Variants in CUL4A observed in about 807,000 individuals in gnomAD.
CUL4A encodes the protein cullin-4A.
A neutral mutation model predicts 95.5 loss-of-function variants in CUL4A; 16 were observed. That is an observed-to-expected ratio of 0.17 (90% CI 0.11 to 0.25). The LOEUF is 0.25. Among genes scored for constraint, CUL4A ranks in the 10% least tolerant of loss-of-function variants. The pLI, the probability that CUL4A is intolerant of heterozygous loss-of-function variation, is 1.00. For missense variants in CUL4A, 610 were observed against 937.0 expected, an observed-to-expected ratio of 0.65 and a Z score of 4.56; for synonymous variants, 380 against 353.1, an observed-to-expected ratio of 1.08 and a Z score of -0.85.
intron 9 of CUL4A, 78 bp downstream of exon 9, chr13:113,236,968 A>T: frequency 1.0e-6 from 1 of 957,190 alleles, no homozygotes; most frequent in Middle Eastern, 2.2e-4. Flanking sequence ...GGGCATTACA[A>T]ATAGCAGTGT....
chr13:113,245,240 G>A lies in CUL4A; in HGVS notation c.1530+3G>A. 6.2e-7 allele frequency: 1 copy of A among 1,613,952 alleles called. No homozygotes were observed. Among genetic ancestry groups the A allele is most frequent in the Non-Finnish European group, 8.5e-7 (1 of 1,179,822 alleles). The stretch of plus-strand genomic sequence containing the variant: ...ACATCATGGTTCATTTCAAGCAGGT[G>A]AGTTGTGTTTCTTAGGTAAAGCGGC... On this transcript the variant is annotated splice_donor_region_variant and intron_variant, in intron 14 of 19. Transcript: ENST00000375440.
intron 15 of CUL4A, among the ~76,000 whole-genome samples, chr13:113,250,691 G>T (rs1019610941): frequency 6.6e-6 from 1 of 151,982 alleles, no homozygotes; most frequent in African/African-American, 2.4e-5. Context: ...CACAAACCAT[G>T]GTACTTCTCA....
At chr13:113,227,920 A>G in intron 3 of CUL4A, 56 bp from the exon 4 acceptor site, 1 of 1,220,406 alleles carries the variant, frequency 8.2e-7, no homozygotes, top group Non-Finnish European at 1.2e-6. Context: ...AAAAAAAAAA[A>G]AAGGTAATAA....
Position 113,260,602 on chromosome 13 carries a change from T to G in CUL4A, c.2032-5T>G. 1 of 1,589,452 alleles carries G rather than the reference T, an allele frequency of 6.3e-7. No individual in the cohort carries two copies. Among genetic ancestry groups the G allele is most frequent in the Non-Finnish European group, 8.5e-7 (1 of 1,174,254 alleles). On this transcript the variant is annotated splice_region_variant and splice_polypyrimidine_tract_variant and intron_variant, in intron 18 of 19. Transcript: ENST00000375440. ...CACTTAACTTTTTTTTTCTTTTTTA[T>G]ACAGGTTGAGGAACAGGTTAGCACC...
At chr13:113,248,623 A>G (rs2041915919) in intron 15 of CUL4A, among the ~76,000 whole-genome samples, 1 of 152,182 alleles carries the variant, frequency 6.6e-6, no homozygotes, top group Admixed American at 6.5e-5. Flanking sequence ...CTCAGTATCC[A>G]CGGGCTGTTG....
At chr13:113,228,173 C>T (rs867197733) in intron 4 of CUL4A, 128 bp downstream of exon 4, 48 of 712,480 alleles carry the variant, frequency 6.7e-5, no homozygotes, top group Middle Eastern at 2.7e-4. Context: ...TTGAACAGCA[C>T]GATGAGAAAA....
chr13:113,254,024 G>GT (rs971288861), intron 16 of CUL4A, among the ~76,000 whole-genome samples: 2 of 152,142 alleles, frequency 1.3e-5, no homozygotes, highest in African/African-American at 2.4e-5. Flanking sequence ...ATTATCCCCA[G>GT]TTTTTTACCT....
At chr13:113,243,289 G>A in intron 11 of CUL4A, 129 bp downstream of exon 11, 1 of 823,364 alleles carries the variant, frequency 1.2e-6, no homozygotes, top group Non-Finnish European at 1.8e-6. Context: ...GGGGTGTGTG[G>A]AAAGCGTTTT....
intron 18 of CUL4A, among the ~76,000 whole-genome samples, chr13:113,256,312 C>G (rs2042118798): frequency 6.6e-6 from 1 of 152,124 alleles, no homozygotes; most frequent in Non-Finnish European, 1.5e-5. Context: ...TGGCAGTGCC[C>G]TCGGCCACAG....
rs185477591 is a variant in CUL4A at position 113,246,870 on chromosome 13, A to T, written c.1638+807A>T. Among the ~76,000 whole-genome samples the T allele has an allele frequency of 3.5e-3, 534 of 152,340 alleles. 1 individual carries two copies. Among genetic ancestry groups the T allele is most frequent in the Non-Finnish European group, 4.7e-3 (321 of 68,038 alleles). ...CTGTCCATTGTTATGCTTAGGTTTGATAAAGAATGGGCAGCCATGTAGAAA... is the reference window on the plus strand; with the variant it reads ...CTGTCCATTGTTATGCTTAGGTTTGTTAAAGAATGGGCAGCCATGTAGAAA... On this transcript the variant is annotated intron_variant, in intron 15 of 19. Coordinates refer to ENST00000375440, the MANE Select transcript of CUL4A (RefSeq NM_001008895.4).
In CUL4A at chr13:113,229,515, A is replaced by C. The variant is rs771862541; in HGVS notation, c.508A>C (p.Ile170Leu). 17 of 1,612,906 alleles carry C rather than the reference A, an allele frequency of 1.1e-5. No homozygotes were observed. The highest frequency in any genetic ancestry group is 1.4e-5 in the Non-Finnish European group (16 of 1,179,816). Residue 170 changes from isoleucine (I) to leucine (L), a missense_variant, in exon 5 of 20, where the codon ATC becomes CTC. By Grantham distance (5) the Ile-to-Leu change is conservative. Coordinates refer to ENST00000375440, the MANE Select transcript of CUL4A (RefSeq NM_001008895.4). The stretch of plus-strand genomic sequence containing the variant: ...GCTGCAGAACTCCACGCTGCCCTCC[A>C]TCTGGTGAGTGTCCTCACAGCGCAG... The part of the protein sequence containing the change: ...YVLQNSTLPS[I>L]WDMGLELFRT...
chr13:113,211,013 A>G (rs2040415736), intron 2 of CUL4A, among the ~76,000 whole-genome samples: 1 of 152,194 alleles, frequency 6.6e-6, no homozygotes, highest in Admixed American at 6.5e-5. Context: ...AGGAAGTTTT[A>G]ACAGATGCAT....
Position 113,256,926 on chromosome 13 carries a change from G to GTTTTTTTTTT in CUL4A, c.2031+1815_2031+1824dup, listed in dbSNP as rs951070829. Among the ~76,000 whole-genome samples, 79 of 47,398 alleles carry GTTTTTTTTTT rather than the reference G, an allele frequency of 1.7e-3. 1 individual carries two copies. Among genetic ancestry groups the GTTTTTTTTTT allele is most frequent in the Middle Eastern group, 0.021 (1 of 48 alleles). 31.1% of individuals were successfully genotyped at this position (47,398 alleles called of 152,430 possible). A position where few individuals can be genotyped will look rare whatever the true frequency, so the allele number is the denominator to read the frequency against. On this transcript the variant is annotated intron_variant, in intron 18 of 19. Transcript: ENST00000375440. ...AATGCTTTGTCCCTTTTTTTTTTTCGTTTTTTTTTTTTTTTTTTTTTTTGC... is the reference window on the plus strand; with the variant it reads ...AATGCTTTGTCCCTTTTTTTTTTTCGTTTTTTTTTTTTTTTTTTTTTTTTTTTTTTTTTGC...
intron 2 of CUL4A, among the ~76,000 whole-genome samples, chr13:113,215,959 G>T (rs1567013272): frequency 6.7e-6 from 1 of 149,948 alleles, no homozygotes; most frequent in Non-Finnish European, 1.5e-5. Flanking sequence ...TCTCGTCTGT[G>T]TGGCTGTGGA....
intron 18 of CUL4A, 89 bp downstream of exon 18, chr13:113,255,214 G>C: frequency 1.1e-6 from 1 of 904,890 alleles, no homozygotes; most frequent in Non-Finnish European, 1.7e-6. Context: ...TTAGAGGCCT[G>C]AAGCACATTT....
chr13:113,262,542 G>A (rs1043187494), intron 19 of CUL4A, among the ~76,000 whole-genome samples: 9 of 152,144 alleles, frequency 5.9e-5, no homozygotes, highest in Non-Finnish European at 8.8e-5. Context: ...CCAGCTACTG[G>A]GGAGGCTGAA....
Position 113,227,926 on chromosome 13 carries a change from A to C in CUL4A, c.369-50A>C, listed in dbSNP as rs759630267. 8.5e-5 allele frequency: 98 copies of C among 1,156,870 alleles called. 1 individual carries two copies. In the South Asian group the frequency reaches 1.2e-3, roughly 15 times the overall value. 71.7% of individuals were successfully genotyped at this position (1,156,870 alleles called of 1,614,324 possible). On this transcript the variant is annotated intron_variant, in intron 3 of 19. Coordinates refer to ENST00000375440, the MANE Select transcript of CUL4A (RefSeq NM_001008895.4). Reference sequence around the variant, plus strand: ...CCATCTCAAAAAAAAAAAAAAAGGTAATAATTAAATTGGCCAGCATTTTTA... The same window carrying C: ...CCATCTCAAAAAAAAAAAAAAAGGTCATAATTAAATTGGCCAGCATTTTTA...
upstream of CUL4A, chr13:113,208,548 A>G: frequency 6.3e-7 from 1 of 1,593,552 alleles, no homozygotes. Context: ...GGACACACGG[A>G]ACACGCCGAG....
At position 113,229,432 on chromosome 13, in the gene CUL4A, T is replaced by C; in HGVS notation, c.439-14T>C. On this transcript the variant is annotated splice_polypyrimidine_tract_variant and intron_variant, in intron 4 of 19. Transcript: ENST00000375440. ...AGAATTCATAAGTAAATGGTTCTCC[T>C]TTCTGCTGGTCAGATCATGATCAGA... 3.1e-6 allele frequency: 5 copies of C among 1,612,526 alleles called. No homozygotes were observed. The highest frequency in any genetic ancestry group is 3.4e-6 in the Non-Finnish European group (4 of 1,179,340).
Sources: gnomAD v4.1 joint callset for allele counts (sites outside exome capture counted in the v4.1 genomes callset) on GRCh38, gnomAD v4.1.1 for gene constraint, MANE v1.5 for transcripts, NCBI Gene and HGNC (gene_info 2026-07-23, HGNC 2026-07-21) for gene names.